The following LMO7 variants were observed in gnomAD, a reference collection of about 807,000 sequenced individuals.
LMO7 encodes the protein LIM domain 7.
Under a neutral mutation model 206.5 loss-of-function variants are expected in LMO7, and 120 were observed. That is an observed-to-expected ratio of 0.58 (90% confidence interval 0.50 to 0.68). The LOEUF is 0.68. Ranked by LOEUF, LMO7 falls within the 30% of genes least tolerant of loss-of-function variation. The pLI is 0.00. For synonymous variants in LMO7, 706 were observed against 681.5 expected (o/e 1.04, Z -0.56); for missense variants, 1,959 against 1,957.9 (o/e 1.00, Z -0.01).
chr13:75,777,134 A>G (rs2050614614), intron 4 of LMO7, among the ~76,000 whole-genome samples: 2 of 152,162 alleles, frequency 1.3e-5, no homozygotes, highest in Non-Finnish European at 2.9e-5. Flanking sequence ...TCAGCTGGCA[A>G]TGGACTTGAA....
intron 3 of LMO7, among the ~76,000 whole-genome samples, chr13:75,755,541 A>T (rs531359945): frequency 6.6e-6 from 1 of 152,274 alleles, no homozygotes; most frequent in Middle Eastern, 3.4e-3. Context: ...AGGAGGGCAC[A>T]TTGACATCCC....
intron 3 of LMO7, among the ~76,000 whole-genome samples, chr13:75,747,584 C>T (rs545749385): frequency 3.2e-4 from 48 of 152,136 alleles, no homozygotes; most frequent in Non-Finnish European, 5.1e-4. Flanking sequence ...AGTGAGCCTT[C>T]GAGTGATGTT....
At chr13:75,725,612 G>T (rs1490289985) in intron 2 of LMO7, among the ~76,000 whole-genome samples, 1 of 151,978 alleles carries the variant, frequency 6.6e-6, no homozygotes, top group African/African-American at 2.4e-5. Context: ...TGACTCCTCA[G>T]CTAGTGATTA....
chr13:75,842,917 G>T lies in LMO7; in HGVS notation c.4097+1G>T. ...CTTCAGGTTTTCTTCCTGGTGACAG[G>T]TATGTAGAGCATGTTATTGTAATTT... On this transcript the variant is annotated splice_donor_variant, in intron 25 of 30. Transcript: ENST00000377534. LOFTEE classifies it high-confidence loss of function. 6.4e-7 allele frequency: 1 copy of T among 1,573,436 alleles called. No homozygotes were observed. Among genetic ancestry groups the T allele is most frequent in the Non-Finnish European group, 8.7e-7 (1 of 1,143,812 alleles).
intron 2 of LMO7, among the ~76,000 whole-genome samples, chr13:75,720,364 T>C (rs1464364345): frequency 1.1e-4 from 17 of 152,228 alleles, no homozygotes; most frequent in Non-Finnish European, 1.2e-4. Flanking sequence ...ATTATTTCTT[T>C]TACGAATTGT....
chr13:75,821,688 T>G (rs776339030), intron 14 of LMO7, 79 bp downstream of exon 14: 5 of 933,812 alleles, frequency 5.4e-6, no homozygotes, highest in Non-Finnish European at 8.2e-6. Flanking sequence ...TGGGGTTACA[T>G]CAACTTGATG....
intron 3 of LMO7, among the ~76,000 whole-genome samples, chr13:75,732,006 ATGGGTTTCCCTTTG>A (rs1380953376): frequency 1.8e-4 from 27 of 152,272 alleles, no homozygotes; most frequent in Middle Eastern, 3.4e-3. Flanking sequence ...TGTTAGTCTG[ATGGGTTTCCCTTTG>A]TGGGTAACCC....
At position 75,795,405 on chromosome 13, in the gene LMO7, G is replaced by T; in HGVS notation, c.322G>T (p.Glu108Ter). 6.3e-7 allele frequency: 1 copy of T among 1,587,298 alleles called. No homozygotes were observed. Among genetic ancestry groups the T allele is most frequent in the East Asian group, 2.3e-5 (1 of 44,144 alleles). The change falls in exon 5 of 31, where the codon GAA becomes TAA. Residue 108 changes from glutamate (E) to a stop codon, truncating the protein, a stop_gained. Coordinates refer to ENST00000377534, the MANE Select transcript of LMO7 (RefSeq NM_001306080.2). LOFTEE classifies it high-confidence loss of function. ...DLSNRVTVKQ[E>*]ETDRRVKNVL... ...AGATATTTTCTTTCTTTACAGGCAA[G>T]AAGAGACTGACAGGAGAGTGAAAAA...
chr13:75,842,127 A>C (rs1021039866), intron 24 of LMO7, 144 bp downstream of exon 24: 2 of 630,842 alleles, frequency 3.2e-6, no homozygotes. Context: ...TAAATCATAA[A>C]CCCTGCCATG....
intron 1 of LMO7, among the ~76,000 whole-genome samples, chr13:75,709,618 A>G (rs544400216): frequency 3.3e-5 from 5 of 152,178 alleles, no homozygotes; most frequent in East Asian, 1.9e-4. Context: ...GTCTGTTCAT[A>G]TCCTTTGCCC....
chr13:75,807,465 C>T lies in LMO7; in HGVS notation c.1197-15C>T. On this transcript the variant is annotated splice_polypyrimidine_tract_variant and intron_variant, in intron 9 of 30. Transcript: ENST00000377534. Reference sequence around the variant, plus strand: ...TTAATAAGATTCTCTTTCCTTTTTCCTCTCTGTGCATCAGTCAGTTTTTAC... The same window carrying T: ...TTAATAAGATTCTCTTTCCTTTTTCTTCTCTGTGCATCAGTCAGTTTTTAC... 2 of 1,605,964 alleles carry T rather than the reference C, an allele frequency of 1.2e-6. No individual in the cohort carries two copies. Among genetic ancestry groups the T allele is most frequent in the Non-Finnish European group, 1.7e-6 (2 of 1,176,882 alleles).
chr13:75,722,297 A>G (rs2044085224), intron 2 of LMO7, among the ~76,000 whole-genome samples: 1 of 152,224 alleles, frequency 6.6e-6, no homozygotes, highest in African/African-American at 2.4e-5. Flanking sequence ...TTTGCAATCT[A>G]TACATCTGAC....
In LMO7 at chr13:75,659,205, T is replaced by C. The variant is rs189955890; in HGVS notation, c.69+22479T>C. On this transcript the variant is annotated intron_variant, in intron 1 of 30. Coordinates refer to ENST00000377534, the MANE Select transcript of LMO7 (RefSeq NM_001306080.2). The stretch of plus-strand genomic sequence containing the variant: ...TATATGTCTTTAACAAATCAATTTA[T>C]AGGCACTTTCTTTTATTCCATGTTT... Among the ~76,000 whole-genome samples, 10 of 152,352 alleles carry C rather than the reference T, an allele frequency of 6.6e-5. No homozygotes were observed. The East Asian group carries it at 1.9e-3, about 29-fold the overall frequency.
At chr13:75,675,858 C>T (rs2030714732) in intron 1 of LMO7, among the ~76,000 whole-genome samples, 1 of 151,776 alleles carries the variant, frequency 6.6e-6, no homozygotes, top group Non-Finnish European at 1.5e-5. Context: ...TGGAAAATGT[C>T]TCCTCCTTGT....
upstream of LMO7, chr13:75,636,224 G>A (rs983447827): frequency 2.2e-6 from 2 of 913,564 alleles, no homozygotes; most frequent in Non-Finnish European, 2.6e-6. Flanking sequence ...GCCAAGGGAG[G>A]GGCAGACGGA....
At chr13:75,760,693 A>T (rs530094250) in intron 3 of LMO7, 26 of 1,523,784 alleles carry the variant, frequency 1.7e-5, no homozygotes, top group Non-Finnish European at 2.2e-5. Flanking sequence ...AGTCACAAAG[A>T]TCACAGAAAC....
rs374728124 is a variant in LMO7 at position 75,690,801 on chromosome 13, C to T, written c.70-22381C>T. Reference sequence around the variant, plus strand: ...AAAATTGGAAATGGGTTTGTCAGTTCGTTTGTCTTCCACATTACTTTTAGC... The same window carrying T: ...AAAATTGGAAATGGGTTTGTCAGTTTGTTTGTCTTCCACATTACTTTTAGC... On this transcript the variant is annotated intron_variant, in intron 1 of 30. Transcript: ENST00000377534. Among the ~76,000 whole-genome samples the T allele has an allele frequency of 3.9e-5, 6 of 152,256 alleles. No homozygotes were observed. The East Asian group carries it at 9.6e-4, about 24-fold the overall frequency.
chr13:75,805,739 A>G lies in LMO7; in HGVS notation c.1175A>G (p.Tyr392Cys). The change falls in exon 9 of 31, where the codon TAT (tyrosine) becomes TGT (cysteine). Residue 392 changes from tyrosine to cysteine, a missense_variant. By Grantham distance (194) the Tyr-to-Cys change is radical. Transcript: ENST00000377534. ...AAAAGGGAAACTTATAAGCCATGGT[A>G]TAAAGAATTTCAGGGATTCAGGTTT... ...RIKRETYKPW[Y>C]KEFQGFSQFL... The G allele has an allele frequency of 2.5e-6, 4 of 1,613,800 alleles. No homozygotes were observed. Among genetic ancestry groups the G allele is most frequent in the Non-Finnish European group, 1.7e-6 (2 of 1,179,772 alleles).
At chr13:75,795,544 G>A in intron 5 of LMO7, 113 bp downstream of exon 5, 1 of 729,752 alleles carries the variant, frequency 1.4e-6, no homozygotes, top group Non-Finnish European at 2.3e-6. Flanking sequence ...TTAATTTTTT[G>A]CTACAAACCA....
Sources: allele counts gnomAD v4.1 joint callset (sites outside exome capture counted in the v4.1 genomes callset), GRCh38; gene constraint gnomAD v4.1.1; transcripts MANE v1.5; gene names NCBI Gene and HGNC (gene_info 2026-07-23, HGNC 2026-07-21).